Variants in GPHN observed in about 807,000 individuals in gnomAD.
GPHN encodes gephyrin.
A neutral mutation model predicts 95.5 loss-of-function variants in GPHN; 17 were observed. The ratio of observed to expected loss-of-function variants is 0.18; its 90% CI spans 0.12 to 0.27. GPHN has a LOEUF of 0.27. Ranked by LOEUF, GPHN falls within the 10% of genes least tolerant of loss-of-function variation. The pLI is 1.00. For missense variants in GPHN, 660 were observed against 978.1 expected (o/e 0.67, Z 4.34); for synonymous variants, 320 against 322.5 (o/e 0.99, Z 0.08).
chr14:67,663,204 T>C, the GPHN span: 3 of 1,499,224 alleles, frequency 2.0e-6, no homozygotes, highest in South Asian at 1.2e-5. Flanking sequence ...TGAACAAAAA[T>C]AGAACAGGCT....
intron 8 of GPHN, among the ~76,000 whole-genome samples, chr14:66,925,832 C>G (rs1286707197): frequency 6.6e-6 from 1 of 152,192 alleles, no homozygotes; most frequent in Non-Finnish European, 1.5e-5. Context: ...CCATACTATT[C>G]TGCATAGTGG....
intron 9 of GPHN, among the ~76,000 whole-genome samples, chr14:66,974,589 A>G (rs1348115695): frequency 1.3e-5 from 2 of 152,140 alleles, no homozygotes; most frequent in Non-Finnish European, 2.9e-5. Context: ...TTAACATTTT[A>G]TAGCTAAGAC....
At chr14:66,958,206 A>G (rs1388542932) in intron 8 of GPHN, among the ~76,000 whole-genome samples, 1 of 152,102 alleles carries the variant, frequency 6.6e-6, no homozygotes, top group African/African-American at 2.4e-5. Flanking sequence ...CTTCTTGATT[A>G]ACTGACCTTT....
chr14:67,667,715 C>A, the GPHN span, among the ~76,000 whole-genome samples: 119 of 152,102 alleles, frequency 7.8e-4, no homozygotes, highest in Non-Finnish European at 1.2e-3. Flanking sequence ...GAGGCCGAGG[C>A]GGGCGGATCA....
At chr14:67,087,661 C>T (rs1025244173) in intron 11 of GPHN, among the ~76,000 whole-genome samples, 1 of 151,800 alleles carries the variant, frequency 6.6e-6, no homozygotes, top group African/African-American at 2.4e-5. Flanking sequence ...TCAGATGGTC[C>T]GAATATAAAT....
chr14:67,550,026 G>C, the GPHN span, among the ~76,000 whole-genome samples: 1 of 152,156 alleles, frequency 6.6e-6, no homozygotes, highest in Non-Finnish European at 1.5e-5. Flanking sequence ...GCCCAGAGAG[G>C]TTCTGGGGTT....
chr14:67,120,486 G>A (rs891382988), intron 16 of GPHN, among the ~76,000 whole-genome samples: 7 of 152,124 alleles, frequency 4.6e-5, no homozygotes, highest in Non-Finnish European at 5.9e-5. Flanking sequence ...CAAATAATGG[G>A]TTCTCCAGTG....
At chr14:67,384,084 A>G in the GPHN span, 15 of 154,588 alleles carry the variant, frequency 9.7e-5, no homozygotes, top group African/African-American at 3.6e-4. Context: ...GCATTGAAAG[A>G]ATTAGATCGG....
intron 2 of GPHN, among the ~76,000 whole-genome samples, chr14:66,745,553 G>A (rs1377276561): frequency 6.6e-6 from 1 of 151,886 alleles, no homozygotes; most frequent in Non-Finnish European, 1.5e-5. Context: ...TAATTTGATA[G>A]TGATATGTCT....
At chr14:66,662,827 T>C (rs1482464258) in intron 1 of GPHN, among the ~76,000 whole-genome samples, 1 of 152,166 alleles carries the variant, frequency 6.6e-6, no homozygotes, top group Non-Finnish European at 1.5e-5. Flanking sequence ...GTTCATAATG[T>C]AATTCCAAGT....
At chr14:67,555,393 G>A in the GPHN span, among the ~76,000 whole-genome samples, 1 of 152,226 alleles carries the variant, frequency 6.6e-6, no homozygotes, top group South Asian at 2.1e-4. Flanking sequence ...GTGGGGAGAA[G>A]TGTTTTCTAT....
At chr14:66,562,318 T>G (rs76520850) in intron 1 of GPHN, among the ~76,000 whole-genome samples, 1,838 of 152,304 alleles carry the variant, frequency 0.012, 19 homozygotes, top group Non-Finnish European at 0.018. Flanking sequence ...ACAGTAGGTC[T>G]TAAATGTACT....
rs377724622 is a variant in GPHN, at chr14:66,880,052, T to C, written c.389+19T>C. The C allele has an allele frequency of 4.1e-5, 59 of 1,444,794 alleles. No homozygotes were observed. Among genetic ancestry groups the C allele is most frequent in the Non-Finnish European group, 5.7e-5 (58 of 1,025,896 alleles). The allele number at this position is 1,444,794 out of a possible 1,614,324, so 89.5% of individuals were successfully genotyped here. On this transcript the variant is annotated intron_variant, in intron 5 of 22. Coordinates refer to ENST00000478722, the MANE Select transcript of GPHN (RefSeq NM_020806.5). ...TCTCTAGGTAAGAAAGTCACCAACA[T>C]GTTGCAAACCATTTGCTAGGTGAAC...
At chr14:67,324,522 A>G in the GPHN span, among the ~76,000 whole-genome samples, 1 of 152,220 alleles carries the variant, frequency 6.6e-6, no homozygotes, top group Admixed American at 6.5e-5. Context: ...CTCCTTAAAG[A>G]TAGTCATTAA....
At chr14:67,389,927 C>G in the GPHN span, among the ~76,000 whole-genome samples, 23 of 152,270 alleles carry the variant, frequency 1.5e-4, no homozygotes, top group African/African-American at 5.3e-4. Context: ...TTTGGAGGCT[C>G]CTCCTGCCAC....
At chr14:67,569,872 T>C in the GPHN span, 2,184 of 1,237,776 alleles carry the variant, frequency 1.8e-3, 44 homozygotes, top group African/African-American at 0.028. Context: ...CCCACACCCC[T>C]TCCTGGGTTA....
chr14:67,470,059 G>T, the GPHN span, among the ~76,000 whole-genome samples: 6 of 152,136 alleles, frequency 3.9e-5, no homozygotes, highest in African/African-American at 1.2e-4. Flanking sequence ...TTGGGGTCAG[G>T]GTGTGAATTC....
chr14:67,405,862 A>G, the GPHN span, among the ~76,000 whole-genome samples: 1 of 152,058 alleles, frequency 6.6e-6, no homozygotes, highest in Non-Finnish European at 1.5e-5. Context: ...GGTGACTGTC[A>G]CTCTTGGCTG....
chr14:67,444,576 A>G, the GPHN span, among the ~76,000 whole-genome samples: 2 of 152,198 alleles, frequency 1.3e-5, no homozygotes, highest in Non-Finnish European at 2.9e-5. Flanking sequence ...GTTATTCATA[A>G]TAAGGCCCTT....
Sources: gnomAD v4.1 joint callset for allele counts (sites outside exome capture counted in the v4.1 genomes callset) on GRCh38, gnomAD v4.1.1 for gene constraint, MANE v1.5 for transcripts, NCBI Gene and HGNC (gene_info 2026-07-23, HGNC 2026-07-21) for gene names.